KMT2C: variants seen among roughly 807,000 people sequenced by gnomAD.
The protein encoded by KMT2C is histone-lysine N-methyltransferase 2C.
Under a neutral mutation model 507.9 loss-of-function variants are expected in KMT2C, and 88 were observed. The ratio of observed to expected loss-of-function variants is 0.17; its 90% confidence interval spans 0.15 to 0.21. The LOEUF is 0.21. Among genes scored for constraint, KMT2C ranks in the 10% least tolerant of loss-of-function variants. KMT2C has a pLI of 1.00. For missense variants in KMT2C, 4,954 were observed against 5,957.8 expected (o/e 0.83, Z 5.55); for synonymous variants, 2,049 against 2,080.8 (o/e 0.98, Z 0.42).
At chr7:152,424,448 G>A (rs1044399737) in intron 1 of KMT2C, among the ~76,000 whole-genome samples, 3 of 151,756 alleles carry the variant, frequency 2.0e-5, no homozygotes, top group Admixed American at 1.3e-4. Flanking sequence ...AGAGAAACAA[G>A]GTTTCACTCT....
chr7:152,148,087 T>C lies in KMT2C; in HGVS notation c.13840A>G (p.Arg4614Gly), dbSNP rs1485556474. ...TCTTCATGGCCTTGTTCCACAATCC[T>C]GATGACAAACACTGGGCGCCCATCC... Reference protein sequence around the residue: ...EKDGRPVFVIRIVEQGHEDLV... With the variant: ...EKDGRPVFVIGIVEQGHEDLV... The change falls in exon 52 of 59, where the codon AGG becomes GGG. Residue 4614 changes from arginine to glycine, a missense_variant. Arg to Gly is a moderately radical substitution (Grantham distance 125). Coordinates refer to ENST00000262189, the MANE Select transcript of KMT2C (RefSeq NM_170606.3). This position sits in a 1 kb window ranked among gnomAD's most constrained non-coding sequence, Gnocchi z 7.1. 1.2e-6 allele frequency: 2 copies of C among 1,609,162 alleles called. No homozygotes were observed. Among genetic ancestry groups the C allele is most frequent in the Non-Finnish European group, 1.7e-6 (2 of 1,176,196 alleles).
In KMT2C at chr7:152,207,382, C is replaced by T. The variant is rs2129138575; in HGVS notation, c.3759G>A (p.Glu1253=). The T allele has an allele frequency of 6.2e-7, 1 of 1,610,832 alleles. No homozygotes were observed. The highest frequency in any genetic ancestry group is 8.5e-7 in the Non-Finnish European group (1 of 1,178,534). Reference sequence around the variant, plus strand: ...TAGTTTCATCATCCACAGCTTCCCGCTCAGGACTAGATTCTGATTTTCCAT... The same window carrying T: ...TAGTTTCATCATCCACAGCTTCCCGTTCAGGACTAGATTCTGATTTTCCAT... The part of the protein sequence containing the change: ...DCDGKSESSP[E]REAVDDETKG... Residue 1253 remains glutamate (E), a synonymous_variant, in exon 24 of 59, where the codon GAG becomes GAA. Transcript: ENST00000262189.
At chr7:152,221,974 A>C in intron 22 of KMT2C, 27 bp downstream of exon 22, 1 of 1,541,608 alleles carries the variant, frequency 6.5e-7, no homozygotes. Flanking sequence ...AAATTAATTA[A>C]ATCAAGTAAA....
intron 6 of KMT2C, among the ~76,000 whole-genome samples, chr7:152,280,313 C>T (rs1307093443): frequency 6.6e-6 from 1 of 151,850 alleles, no homozygotes; most frequent in Non-Finnish European, 1.5e-5. Flanking sequence ...AAGGCCAAGG[C>T]AGGCGGATCA....
chr7:152,335,908 G>GT (rs1051760192), intron 2 of KMT2C, among the ~76,000 whole-genome samples: 8 of 145,928 alleles, frequency 5.5e-5, no homozygotes, highest in South Asian at 2.3e-4. Context: ...AGACTATAGG[G>GT]TTTTTTTGTT....
chr7:152,285,646 C>A (rs1259717522), intron 6 of KMT2C, among the ~76,000 whole-genome samples: 3 of 152,054 alleles, frequency 2.0e-5, no homozygotes, highest in Non-Finnish European at 4.4e-5. Flanking sequence ...GGACATTATA[C>A]CCTTGGAAAA....
chr7:152,298,780 T>C (rs890802659), intron 6 of KMT2C, among the ~76,000 whole-genome samples: 8 of 152,194 alleles, frequency 5.3e-5, no homozygotes, highest in Admixed American at 5.2e-4. Context: ...GATATATGTT[T>C]AATAAAAGAC....
intron 9 of KMT2C, among the ~76,000 whole-genome samples, chr7:152,255,156 T>TC (rs2095639419): frequency 7.3e-6 from 1 of 136,816 alleles, no homozygotes; most frequent in Non-Finnish European, 1.6e-5. Context: ...CATATATATA[T>TC]ATGTGTGTGT....
intron 31 of KMT2C, among the ~76,000 whole-genome samples, chr7:152,189,534 G>A (rs1018806374): frequency 2.6e-5 from 4 of 151,590 alleles, no homozygotes; most frequent in African/African-American, 4.9e-5. Context: ...TCTCATACAC[G>A]TACATTTTAC....
At chr7:152,262,808 C>T (rs2095801906) in intron 9 of KMT2C, among the ~76,000 whole-genome samples, 1 of 152,058 alleles carries the variant, frequency 6.6e-6, no homozygotes, top group Non-Finnish European at 1.5e-5. Flanking sequence ...CAAAGCAAGC[C>T]AAGAGGCACC....
At chr7:152,160,945 G>A (rs2092420931) in intron 43 of KMT2C, among the ~76,000 whole-genome samples, 3 of 152,068 alleles carry the variant, frequency 2.0e-5, no homozygotes, top group Admixed American at 6.6e-5. Flanking sequence ...GGAAAAAGAT[G>A]ACTCAAGAAC....
chr7:152,144,006 G>A lies in KMT2C; in HGVS notation c.14343+707C>T, dbSNP rs117573382. Among the ~76,000 whole-genome samples the A allele has an allele frequency of 2.9e-4, 44 of 152,318 alleles. No homozygotes were observed. The East Asian group carries it at 7.7e-3, about 27-fold the overall frequency. Reference sequence around the variant, plus strand: ...CTGAGAGAATTTTTAGGAGAAAACAGAACTCGATGATGCTTTAGGTTTAAT... The same window carrying A: ...CTGAGAGAATTTTTAGGAGAAAACAAAACTCGATGATGCTTTAGGTTTAAT... On this transcript the variant is annotated intron_variant, in intron 55 of 58. Coordinates refer to ENST00000262189, the MANE Select transcript of KMT2C (RefSeq NM_170606.3). This position sits in a 1 kb window ranked among gnomAD's most constrained non-coding sequence, Gnocchi z 4.4.
At chr7:152,160,809 C>T (rs1284057625) in intron 43 of KMT2C, among the ~76,000 whole-genome samples, 8 of 151,782 alleles carry the variant, frequency 5.3e-5, no homozygotes, top group South Asian at 2.1e-4. Context: ...TATAAACATG[C>T]TCAAAATGTA....
chr7:152,260,853 G>T (rs1379113618), intron 9 of KMT2C, among the ~76,000 whole-genome samples: 1 of 152,148 alleles, frequency 6.6e-6, no homozygotes, highest in Non-Finnish European at 1.5e-5. Flanking sequence ...TTATAATCTA[G>T]GTTAATCAAA....
intron 23 of KMT2C, among the ~76,000 whole-genome samples, chr7:152,215,346 T>C (rs1202938515): frequency 2.0e-5 from 3 of 151,382 alleles, no homozygotes; most frequent in African/African-American, 7.3e-5. Context: ...ACCCCGCCTC[T>C]ACTAAAAATA....
intron 6 of KMT2C, among the ~76,000 whole-genome samples, chr7:152,300,475 T>C (rs146812029): frequency 6.6e-6 from 1 of 152,280 alleles, no homozygotes; most frequent in East Asian, 1.9e-4. Context: ...GTCACATATG[T>C]TGTTGTATTT....
chr7:152,345,171 C>T (rs1252604863), intron 2 of KMT2C, among the ~76,000 whole-genome samples: 2 of 151,884 alleles, frequency 1.3e-5, no homozygotes, highest in East Asian at 3.9e-4. Flanking sequence ...AGTAATCCCA[C>T]CACTTTAGGA....
Position 152,182,553 on chromosome 7 carries a change from G to A in KMT2C, c.5307C>T (p.Ala1769=), listed in dbSNP as rs1285575777. Residue 1769 remains alanine (A), a synonymous_variant, in exon 36 of 59, where the codon GCC becomes GCT. Transcript: ENST00000262189. The part of the protein sequence containing the change: ...QKSKQQAKIE[A]TQKLEQVKNE... ...TTTTCACCTGTTCAAGTTTCTGTGT[G>A]GCTTCAATTTTAGCTTGCTGCTTAC... is the stretch of plus-strand genomic sequence containing the variant. The A allele has an allele frequency of 6.3e-7, 1 of 1,596,120 alleles. No homozygotes were observed. Among genetic ancestry groups the A allele is most frequent in the African/African-American group, 1.4e-5 (1 of 74,056 alleles).
intron 3 of KMT2C, among the ~76,000 whole-genome samples, chr7:152,323,395 C>T (rs748506769): frequency 6.6e-6 from 1 of 151,766 alleles, no homozygotes; most frequent in Non-Finnish European, 1.5e-5. Flanking sequence ...CCCAGCACTT[C>T]GGGAGGCCAA....
Sources: gnomAD v4.1 joint callset for allele counts (sites outside exome capture counted in the v4.1 genomes callset) on GRCh38, gnomAD v4.1.1 for gene constraint, Gnocchi (gnomAD v3.1) non-coding constraint, MANE v1.5 for transcripts, NCBI Gene and HGNC (gene_info 2026-07-23, HGNC 2026-07-21) for gene names.